Variants in ALG14 observed in about 807,000 individuals in gnomAD.
The protein encoded by ALG14 is ALG14 UDP-N-acetylglucosaminyltransferase subunit.
A neutral mutation model predicts 22.8 loss-of-function variants in ALG14; 17 were observed. That is an observed-to-expected ratio of 0.75 (90% CI 0.51 to 1.12). The LOEUF (loss-of-function observed/expected upper bound fraction) is 1.12. Among genes scored for constraint, ALG14 ranks in the 50% most tolerant of loss-of-function variants. ALG14 has a pLI of 0.00. For missense variants in ALG14, 288 were observed against 271.8 expected, an observed-to-expected ratio of 1.06 and a Z score of -0.42; for synonymous variants, 89 against 103.7, an observed-to-expected ratio of 0.86 and a Z score of 0.86.
chr1:95,034,305 T>C (rs1349422265), intron 2 of ALG14, among the ~76,000 whole-genome samples: 1 of 152,252 alleles, frequency 6.6e-6, no homozygotes, highest in Non-Finnish European at 1.5e-5. Flanking sequence ...TTTATGTGTA[T>C]ATGTGATTGT....
intron 3 of ALG14, among the ~76,000 whole-genome samples, chr1:94,994,063 C>T (rs1323063909): frequency 6.6e-6 from 1 of 152,208 alleles, no homozygotes; most frequent in African/African-American, 2.4e-5. Context: ...AAGACCTAAA[C>T]ATTTTTTTGG....
rs183026636 is a variant in ALG14 at position 95,060,791 on chromosome 1, C to G, written c.288+4075G>C. ...TTAAGACTATTAATGTGAAGCAAAC[C>G]CAACTTACTTGGTTCTAAGTGTTGT... On this transcript the variant is annotated intron_variant, in intron 2 of 3. Coordinates refer to ENST00000370205, the MANE Select transcript of ALG14 (RefSeq NM_144988.4). 3.2e-4 allele frequency among the ~76,000 whole-genome samples: 49 copies of G among 152,098 alleles called. 1 individual carries two copies. The highest frequency in any genetic ancestry group is 1.1e-3 in the African/African-American group (47 of 41,490).
Position 94,983,255 on chromosome 1 carries a change from G to A in ALG14, c.472C>T (p.Leu158Phe), listed in dbSNP as rs1251745874. The A allele has an allele frequency of 6.2e-7, 1 of 1,614,054 alleles. No homozygotes were observed. Among genetic ancestry groups the A allele is most frequent in the African/African-American group, 1.3e-5 (1 of 74,902 alleles). ...TTCTTTATTCCTAGTATCCCAAGGA[G>A]AAGGGCAGATACACAGATAGGAACA... ...TCVPICVSALLLGILGIKKVI... is the reference protein window; with the variant it reads ...TCVPICVSALFLGILGIKKVI... The change falls in exon 4 of 4, where the codon CTC becomes TTC. Residue 158 changes from leucine to phenylalanine, a missense_variant. By Grantham distance (22) the Leu-to-Phe change is conservative (BLOSUM62 0). Coordinates refer to ENST00000370205, the MANE Select transcript of ALG14 (RefSeq NM_144988.4).
At position 95,072,932 on chromosome 1, in the gene ALG14, G is replaced by T. The variant is rs780080991; in HGVS notation, c.-34C>A. On this transcript the variant is annotated 5_prime_UTR_variant, in exon 1 of 4. Transcript: ENST00000370205. The stretch of plus-strand genomic sequence containing the variant: ...ACGGCGCATGCGTCCAACTTCCGGG[G>T]ACCAGCCGCTGTCAAAGTTCACAAC... The T allele has an allele frequency of 3.1e-6, 5 of 1,611,256 alleles. No homozygotes were observed. The highest frequency in any genetic ancestry group is 2.2e-5 in the South Asian group (2 of 90,982).
chr1:95,070,826 C>T (rs901350133), intron 1 of ALG14, among the ~76,000 whole-genome samples: 12 of 152,018 alleles, frequency 7.9e-5, no homozygotes, highest in African/African-American at 2.9e-4. Flanking sequence ...ACCTCCACCT[C>T]CCAGACTCAA....
chr1:95,006,880 A>G (rs1673234177), intron 3 of ALG14, among the ~76,000 whole-genome samples: 1 of 152,180 alleles, frequency 6.6e-6, no homozygotes, highest in African/African-American at 2.4e-5. Flanking sequence ...ACTGTTTCTT[A>G]TATAACTCGG....
intron 2 of ALG14, among the ~76,000 whole-genome samples, chr1:95,040,635 G>A (rs974058537): frequency 3.3e-5 from 5 of 152,090 alleles, no homozygotes; most frequent in African/African-American, 1.2e-4. Context: ...TCCAAAACAG[G>A]CCATGTCCTG....
intron 2 of ALG14, among the ~76,000 whole-genome samples, chr1:95,027,687 C>T (rs1412680932): frequency 6.6e-6 from 1 of 152,210 alleles, no homozygotes; most frequent in Non-Finnish European, 1.5e-5. Flanking sequence ...ACAAGCACAA[C>T]AGAAAACAAG....
rs2100752775 is a variant in ALG14, at chr1:95,013,849, G to T, written c.420+13280C>A. ...TATTTTACTGTTCTCAGGTTCCAGTGAGATAAAATGCTTCAGCATATATTT... is the reference window on the plus strand; with the variant it reads ...TATTTTACTGTTCTCAGGTTCCAGTTAGATAAAATGCTTCAGCATATATTT... On this transcript the variant is annotated intron_variant, in intron 3 of 3. Transcript: ENST00000370205. Among the ~76,000 whole-genome samples, 3 of 151,546 alleles carry T rather than the reference G, an allele frequency of 2.0e-5. No individual in the cohort carries two copies. In the South Asian group the frequency reaches 6.3e-4, roughly 32 times the overall value.
chr1:94,984,171 A>C (rs1224838040), intron 3 of ALG14, among the ~76,000 whole-genome samples: 1 of 152,234 alleles, frequency 6.6e-6, no homozygotes. Flanking sequence ...TGTTGACTGA[A>C]TTAGTAAAAT....
At chr1:94,986,466 C>CT (rs891261423) in intron 3 of ALG14, among the ~76,000 whole-genome samples, 11 of 151,514 alleles carry the variant, frequency 7.3e-5, no homozygotes, top group South Asian at 2.1e-4. Context: ...TGACTGACAG[C>CT]TTTTTTTTTC....
Position 95,049,466 on chromosome 1 carries a change from C to T in ALG14, c.288+15400G>A, listed in dbSNP as rs185180543. Reference sequence around the variant, plus strand: ...GGGAGAATTGCTTGAGCTTAGGAGCCAGAGGTTGCAGTGAGTCGAGATCGC... The same window carrying T: ...GGGAGAATTGCTTGAGCTTAGGAGCTAGAGGTTGCAGTGAGTCGAGATCGC... On this transcript the variant is annotated intron_variant, in intron 2 of 3. Coordinates refer to ENST00000370205, the MANE Select transcript of ALG14 (RefSeq NM_144988.4). Among the ~76,000 whole-genome samples, 431 of 151,948 alleles carry T rather than the reference C, an allele frequency of 2.8e-3. 6 individuals are homozygous for T. The highest frequency in any genetic ancestry group is 3.8e-4 in the Non-Finnish European group (26 of 68,000).
In ALG14 at chr1:95,049,030, GA is replaced by G. The variant is rs1345575883; in HGVS notation, c.288+15835del. ...CATTAAAATATACACTGATTCAGAAGAATCAGAAGAAATTTGAATGAAGAAT... is the reference window on the plus strand; with the variant it reads ...CATTAAAATATACACTGATTCAGAAGATCAGAAGAAATTTGAATGAAGAAT... On this transcript the variant is annotated intron_variant, in intron 2 of 3. Coordinates refer to ENST00000370205, the MANE Select transcript of ALG14 (RefSeq NM_144988.4). 9.9e-5 allele frequency among the ~76,000 whole-genome samples: 15 copies of G among 152,154 alleles called. No homozygotes were observed. The East Asian group carries it at 2.9e-3, about 29-fold the overall frequency.
chr1:95,032,375 A>C (rs1233606130), intron 2 of ALG14, among the ~76,000 whole-genome samples: 1 of 152,142 alleles, frequency 6.6e-6, no homozygotes, highest in Non-Finnish European at 1.5e-5. Context: ...GGAATTCATG[A>C]AGCTAGAGGA....
chr1:95,072,784 T>C lies in ALG14; in HGVS notation c.115A>G (p.Ile39Val), dbSNP rs766728606. The C allele has an allele frequency of 8.1e-6, 13 of 1,614,114 alleles. No individual in the cohort carries two copies. Residue 39 changes from isoleucine (I) to valine (V), a missense_variant, in exon 1 of 4, where the codon ATC (isoleucine) becomes GTC (valine). Ile to Val is a conservative substitution (Grantham distance 29). Transcript: ENST00000370205. The part of the protein sequence containing the change: ...MDVTPRESLS[I>V]LVVAGSGGHT... ...TTACCGGACCCAGCCACTACCAAGA[T>C]ACTGAGAGACTCCCGGGGCGTAACG...
At chr1:95,039,911 G>A (rs1674327040) in intron 2 of ALG14, among the ~76,000 whole-genome samples, 1 of 151,994 alleles carries the variant, frequency 6.6e-6, no homozygotes, top group Admixed American at 6.6e-5. Context: ...AGTGACTCAC[G>A]CCTGTAATCT....
In ALG14 at chr1:95,064,986, A is replaced by G; in HGVS notation, c.168T>C (p.Leu56=). Residue 56 remains leucine, a synonymous_variant, in exon 2 of 4, where the codon CTT becomes CTC. Coordinates refer to ENST00000370205, the MANE Select transcript of ALG14 (RefSeq NM_144988.4). ...GGHTTEILRL[L]GSLSNAYSPR... The stretch of plus-strand genomic sequence containing the variant: ...GTGAGTAGGCATTGGACAAGCTCCC[A>G]AGCAGCCTCAGGATCTCAGTGGTAT... 1.2e-6 allele frequency: 2 copies of G among 1,613,774 alleles called. No individual in the cohort carries two copies. The highest frequency in any genetic ancestry group is 1.7e-6 in the Non-Finnish European group (2 of 1,179,792).
At chr1:95,070,733 CATTTT>C (rs1253772192) in intron 1 of ALG14, among the ~76,000 whole-genome samples, 2 of 152,008 alleles carry the variant, frequency 1.3e-5, no homozygotes, top group African/African-American at 2.4e-5. Context: ...TTGATTATAT[CATTTT>C]ATTTTATTTC....
intron 2 of ALG14, among the ~76,000 whole-genome samples, chr1:95,039,496 G>C (rs1019100874): frequency 7.2e-5 from 11 of 152,136 alleles, no homozygotes; most frequent in Admixed American, 3.9e-4. Context: ...ATAACTCTCA[G>C]GTTTTTACCT....
Sources: gnomAD v4.1 joint callset for allele counts (sites outside exome capture counted in the v4.1 genomes callset) on GRCh38, gnomAD v4.1.1 for gene constraint, MANE v1.5 for transcripts, NCBI Gene and HGNC (gene_info 2026-07-23, HGNC 2026-07-21) for gene names.